Variants in ACVRL1 observed in about 807,000 individuals in gnomAD.
The protein encoded by ACVRL1 is activin A receptor like type 1, also known as activin receptor type-1-like.
Under a neutral mutation model 51.9 loss-of-function variants are expected in ACVRL1, and 20 were observed. The ratio of observed to expected loss-of-function variants is 0.39; its 90% CI spans 0.27 to 0.56. ACVRL1 has a LOEUF of 0.56. ACVRL1 is among the 20% of genes least tolerant of loss of function. The pLI is 0.67. For missense variants in ACVRL1, 451 were observed against 670.3 expected, an observed-to-expected ratio of 0.67 and a Z score of 3.61; for synonymous variants, 288 against 280.9, an observed-to-expected ratio of 1.03 and a Z score of -0.25.
At chr12:51,913,036 G>A (rs970566030) in intron 2 of ACVRL1, 63 bp from the exon 3 acceptor site, 2 of 1,570,194 alleles carry the variant, frequency 1.3e-6, no homozygotes, top group Admixed American at 1.8e-5. Context: ...GACAGAAATG[G>A]GTGTCGGGCT....
Position 51,914,574 on chromosome 12 carries a change from A to T in ACVRL1, c.761A>T (p.Asp254Val). The T allele has an allele frequency of 6.2e-7, 1 of 1,613,322 alleles. No homozygotes were observed. The highest frequency in any genetic ancestry group is 1.6e-4 in the Middle Eastern group (1 of 6,062). Residue 254 changes from aspartate to valine, a missense_variant, in exon 6 of 10, where the codon GAC (aspartate) becomes GTC (valine). Physicochemically the swap from Asp to Val is radical, Grantham distance 152. Coordinates refer to ENST00000388922, the MANE Select transcript of ACVRL1 (RefSeq NM_000020.3). ...EIYNTVLLRH[D>V]NILGFIASDM... Reference sequence around the variant, plus strand: ...TATAACACAGTGTTGCTCAGACACGACAACATCCTAGGCAAGGGGAGAGGC... The same window carrying T: ...TATAACACAGTGTTGCTCAGACACGTCAACATCCTAGGCAAGGGGAGAGGC...
At chr12:51,913,791 G>T (rs1182944882) in intron 4 of ACVRL1, 21 bp downstream of exon 4, 1 of 1,609,128 alleles carries the variant, frequency 6.2e-7, no homozygotes, top group Non-Finnish European at 8.5e-7. Context: ...GGGGACCTGG[G>T]ACACAGGGTG....
At chr12:51,912,283 TG>T in intron 1 of ACVRL1, 186 bp from the exon 2 acceptor site, 1 of 679,924 alleles carries the variant, frequency 1.5e-6, no homozygotes, top group Non-Finnish European at 2.7e-6. Context: ...ATGGTTTCCA[TG>T]GGGAAGTGAA....
chr12:51,919,478 C>T, intron 9 of ACVRL1: 1 of 345,388 alleles, frequency 2.9e-6, no homozygotes, highest in South Asian at 2.6e-5. Context: ...TCACTGTAAC[C>T]TCAAACTCCT....
intron 1 of ACVRL1, 101 bp from the exon 2 acceptor site, chr12:51,912,368 TC>T: frequency 2.2e-6 from 3 of 1,375,204 alleles, no homozygotes; most frequent in Non-Finnish European, 3.1e-6. Flanking sequence ...CTGCCTCCCC[TC>T]CAAAAAAAAC....
chr12:51,912,853 C>T (rs1460082095), intron 2 of ACVRL1, among the ~76,000 whole-genome samples: 1 of 151,894 alleles, frequency 6.6e-6, no homozygotes, highest in East Asian at 1.9e-4. Context: ...GGGGCCCAGC[C>T]CAGCCTAGAA....
At chr12:51,919,308 T>A in intron 9 of ACVRL1, 193 bp downstream of exon 9, 1 of 813,578 alleles carries the variant, frequency 1.2e-6, no homozygotes, top group South Asian at 1.7e-5. Context: ...CTGGTCATTC[T>A]GGGATTTTAA....
At chr12:51,920,367 A>G (rs1438047252) in intron 9 of ACVRL1, among the ~76,000 whole-genome samples, 1 of 152,136 alleles carries the variant, frequency 6.6e-6, no homozygotes, top group Non-Finnish European at 1.5e-5. Context: ...GATCTTGGCA[A>G]AGGTGGGGAT....
intron 8 of ACVRL1, among the ~76,000 whole-genome samples, chr12:51,918,342 T>G (rs1940891332): frequency 1.3e-5 from 2 of 152,256 alleles, no homozygotes; most frequent in Admixed American, 6.5e-5. Context: ...TGTCACTTAC[T>G]ATCTGTTGAT....
In ACVRL1 at chr12:51,921,399, G is replaced by GGATT; in HGVS notation, c.*507_*510dup. The GGATT allele has an allele frequency of 5.0e-6, 1 of 201,324 alleles. No homozygotes were observed. Among genetic ancestry groups the GGATT allele is most frequent in the South Asian group, 9.4e-5 (1 of 10,608 alleles). 12.5% of individuals were successfully genotyped at this position (201,324 alleles called of 1,614,324 possible). A position where few individuals can be genotyped will look rare whatever the true frequency, so the allele number is the denominator to read the frequency against. Reference sequence around the variant, plus strand: ...CCAGGGCCCATCAGTTTCTCTCTGTGGATTTGTATCTCAGCTCCATGATGC... The same window carrying GGATT: ...CCAGGGCCCATCAGTTTCTCTCTGTGGATTGATTTGTATCTCAGCTCCATGATGC... On this transcript the variant is annotated 3_prime_UTR_variant, in exon 10 of 10. Transcript: ENST00000388922.
Position 51,921,177 on chromosome 12 carries a change from G to GC in ACVRL1, c.*285dup. 1 of 447,162 alleles carries GC rather than the reference G, an allele frequency of 2.2e-6. No homozygotes were observed. The highest frequency in any genetic ancestry group is 4.2e-6 in the Non-Finnish European group (1 of 239,956). The allele number at this position is 447,162 out of a possible 1,614,324, so 27.7% of individuals were successfully genotyped here. A position where few individuals can be genotyped will look rare whatever the true frequency, so the allele number is the denominator to read the frequency against. The stretch of plus-strand genomic sequence containing the variant: ...CCCCCTACCACTCCCGGGACAGGAT[G>GC]CAAAAGAGGCTCCAGAGTCAGAGTG... On this transcript the variant is annotated 3_prime_UTR_variant, in exon 10 of 10. Coordinates refer to ENST00000388922, the MANE Select transcript of ACVRL1 (RefSeq NM_000020.3).
At chr12:51,912,328 C>T in intron 1 of ACVRL1, 142 bp from the exon 2 acceptor site, 1 of 878,138 alleles carries the variant, frequency 1.1e-6, no homozygotes, top group Non-Finnish European at 1.9e-6. Context: ...GCCCCAAAGC[C>T]AGGCGGCAGG....
intron 6 of ACVRL1, 61 bp downstream of exon 6, chr12:51,914,646 A>G: frequency 6.4e-7 from 1 of 1,562,862 alleles, no homozygotes; most frequent in South Asian, 1.2e-5. Context: ...TCAGGGCTCA[A>G]GTTTGCAGAC....
rs779236098 is a variant in ACVRL1, at chr12:51,912,483, G to T, written c.9G>T (p.Leu3Phe). 1.9e-6 allele frequency: 3 copies of T among 1,614,140 alleles called. No homozygotes were observed. Among genetic ancestry groups the T allele is most frequent in the Non-Finnish European group, 1.7e-6 (2 of 1,180,014 alleles). The change falls in exon 2 of 10, where the codon TTG becomes TTT. Residue 3 changes from leucine (L) to phenylalanine (F), a missense_variant. Leu to Phe is a conservative substitution (Grantham distance 22, BLOSUM62 0). Transcript: ENST00000388922. ...TCCTCTCTGCAGGGACCATGACCTTGGGCTCCCCCAGGAAAGGCCTTCTGA... is the reference window on the plus strand; with the variant it reads ...TCCTCTCTGCAGGGACCATGACCTTTGGCTCCCCCAGGAAAGGCCTTCTGA... MT[L>F]GSPRKGLLML... is the part of the protein sequence containing the mutation.
chr12:51,909,759 C>T (rs1455661604), intron 1 of ACVRL1, among the ~76,000 whole-genome samples: 1 of 152,122 alleles, frequency 6.6e-6, no homozygotes. Flanking sequence ...CACTTTCCCC[C>T]GTTGGACTGT....
chr12:51,914,242 T>C (rs1475820173), intron 5 of ACVRL1, among the ~76,000 whole-genome samples, 169 bp downstream of exon 5: 1 of 151,988 alleles, frequency 6.6e-6, no homozygotes, highest in Non-Finnish European at 1.5e-5. Context: ...GGTTCTTCTT[T>C]CTGCAGGACC....
Position 51,916,174 on chromosome 12 carries a change from C to T in ACVRL1, c.1187C>T (p.Thr396Ile), listed in dbSNP as rs372144414. 5.0e-6 allele frequency: 8 copies of T among 1,614,100 alleles called. No homozygotes were observed. In the Admixed American group the frequency reaches 6.7e-5, roughly 13 times the overall value. The change falls in exon 8 of 10, where the codon ACT becomes ATT. Residue 396 changes from threonine (T) to isoleucine (I), a missense_variant. Around this residue, in one of 2 missense-constraint regions of ACVRL1, gnomAD observed 259 missense variants for 453.4 expected, o/e 0.57. Coordinates refer to ENST00000388922, the MANE Select transcript of ACVRL1 (RefSeq NM_000020.3). ...RTDCFESYKW[T>I]DIWAFGLVLW... is the part of the protein sequence containing the mutation. ...GACTGCTTTGAGTCCTACAAGTGGACTGACATCTGGGCCTTTGGCCTGGTG... is the reference window on the plus strand; with the variant it reads ...GACTGCTTTGAGTCCTACAAGTGGATTGACATCTGGGCCTTTGGCCTGGTG...
chr12:51,916,953 G>A (rs149095231), intron 8 of ACVRL1, among the ~76,000 whole-genome samples: 3,815 of 152,208 alleles, frequency 0.025, 52 homozygotes, highest in Non-Finnish European at 0.041. Flanking sequence ...CAGTCTGGGC[G>A]ACAGAGTGAG....
At chr12:51,910,650 T>C (rs1940671984) in intron 1 of ACVRL1, among the ~76,000 whole-genome samples, 3 of 152,330 alleles carry the variant, frequency 2.0e-5, no homozygotes, top group Admixed American at 2.0e-4. Context: ...TGCAGCTTTC[T>C]GGGCTAGCAA....
Sources: gnomAD v4.1 joint callset for allele counts (sites outside exome capture counted in the v4.1 genomes callset) on GRCh38, gnomAD v4.1.1 for gene constraint, gnomAD v4.1.1 regional missense constraint, MANE v1.5 for transcripts, NCBI Gene and HGNC (gene_info 2026-07-23, HGNC 2026-07-21) for gene names.